Variants in ZNF705D observed in about 807,000 individuals in gnomAD.
ZNF705D encodes the protein putative zinc finger protein 705C.
For missense variants in ZNF705D, 6 were observed against 129.4 expected (o/e 0.05, Z 4.63); for synonymous variants, 1 against 43.8 (o/e 0.02, Z 3.86).
intron 1 of ZNF705D, among the ~76,000 whole-genome samples, chr8:12,108,759 G>T (rs1802234701): frequency 1.7e-5 from 1 of 57,478 alleles, no homozygotes; most frequent in Non-Finnish European, 3.4e-5. Flanking sequence ...GAAAAGAAGA[G>T]TTTTATAAAA....
intron 1 of ZNF705D, among the ~76,000 whole-genome samples, chr8:12,109,079 C>T (rs1802240140): frequency 1.1e-5 from 1 of 88,276 alleles, no homozygotes; most frequent in African/African-American, 3.1e-5. Context: ...ACAATGATAA[C>T]TGATGTTTGG....
the ZNF705D span, among the ~76,000 whole-genome samples, chr8:12,089,938 C>G: frequency 4.0e-5 from 2 of 49,576 alleles, 1 homozygote; most frequent in Non-Finnish European, 1.5e-4. Context: ...GTTTCCAGGC[C>G]GAAGGCGAAT....
the ZNF705D span, among the ~76,000 whole-genome samples, chr8:12,094,195 C>T: frequency 3.7e-5 from 1 of 27,226 alleles, no homozygotes; most frequent in African/African-American, 7.6e-5. Flanking sequence ...TTTGTGATAG[C>T]AGCCATAGGA....
upstream of ZNF705D, among the ~76,000 whole-genome samples, chr8:12,107,566 T>G (rs1802226834): frequency 5.7e-5 from 4 of 69,712 alleles, 2 homozygotes; most frequent in Non-Finnish European, 1.2e-4. Context: ...CCTCCCAAAG[T>G]GCTGGGATTA....
chr8:12,110,529 T>C (rs1191135839), intron 2 of ZNF705D, among the ~76,000 whole-genome samples: 2 of 17,270 alleles, frequency 1.2e-4, no homozygotes, highest in Non-Finnish European at 2.1e-4. Flanking sequence ...TTGTGTATTA[T>C]GCATTGTGTC....
intron 1 of ZNF705D, among the ~76,000 whole-genome samples, chr8:12,109,332 G>T (rs200031353): frequency 0.15 from 11,547 of 75,076 alleles, 478 homozygotes; most frequent in African/African-American, 0.3. Context: ...TCTAACTTTT[G>T]AATGAATAAG....
the ZNF705D span, among the ~76,000 whole-genome samples, chr8:12,090,808 T>C: frequency 6.8e-3 from 298 of 43,504 alleles, 12 homozygotes; most frequent in African/African-American, 0.012. Context: ...TAATAGTTTC[T>C]TTTGCTGCCC....
the ZNF705D span, among the ~76,000 whole-genome samples, chr8:12,089,970 G>A: frequency 1.9e-5 from 1 of 51,774 alleles, no homozygotes; most frequent in African/African-American, 3.3e-5. Context: ...ACTTACCTGA[G>A]GCTTTCTGCC....
chr8:12,089,978 G>A, the ZNF705D span, among the ~76,000 whole-genome samples: 1,216 of 51,376 alleles, frequency 0.024, 72 homozygotes, highest in African/African-American at 0.039. Flanking sequence ...GAGGCTTTCT[G>A]CCTCCCGACT....
intron 2 of ZNF705D, among the ~76,000 whole-genome samples, chr8:12,110,292 A>C (rs1802258797): frequency 1.3e-5 from 1 of 75,762 alleles, no homozygotes; most frequent in Non-Finnish European, 3.2e-5. Context: ...AATACTCATA[A>C]CAGACCTGGG....
the ZNF705D span, chr8:12,095,097 G>GA: frequency 1.4e-5 from 1 of 69,092 alleles, no homozygotes; most frequent in Non-Finnish European, 2.4e-5. Flanking sequence ...GAAAAATGGA[G>GA]AGAGGGAACG....
upstream of ZNF705D, among the ~76,000 whole-genome samples, chr8:12,105,735 C>CAA (rs564846829): frequency 3.6e-3 from 101 of 27,698 alleles, no homozygotes; most frequent in African/African-American, 0.014. Flanking sequence ...GAAACTCTAC[C>CAA]AAAAAAAAAA....
At chr8:12,107,597 C>T (rs1254183934), upstream of ZNF705D, among the ~76,000 whole-genome samples, 1 of 71,458 alleles carries the variant, frequency 1.4e-5, no homozygotes, top group African/African-American at 4.4e-5. Context: ...CCACTGCACT[C>T]GACCCTAAAA....
At chr8:12,110,637 A>T (rs1347358333) in intron 2 of ZNF705D, among the ~76,000 whole-genome samples, 163 bp from the exon 5 acceptor site, 1 of 4,494 alleles carries the variant, frequency 2.2e-4, no homozygotes, top group African/African-American at 3.2e-4. Context: ...TCTAGTCTCA[A>T]GTTGGGTCAG....
chr8:12,102,588 AT>A (rs1394881345), upstream of ZNF705D, among the ~76,000 whole-genome samples: 5 of 122 alleles, frequency 0.041, no homozygotes, highest in Admixed American at 0.12. Context: ...ATTTTTTGTA[AT>A]TTTTTTTTTC....
chr8:12,110,282 A>G (rs1802258727), intron 2 of ZNF705D, among the ~76,000 whole-genome samples: 1 of 73,010 alleles, frequency 1.4e-5, no homozygotes, highest in African/African-American at 3.4e-5. Flanking sequence ...CTCAGTCTCT[A>G]ATACTCATAA....
rs1802286329 is a variant in ZNF705D at position 12,113,127 on chromosome 8, AG to A, written c.874del (p.Ala292ProfsTer?). On this transcript the variant is annotated frameshift_variant, in exon 5 of 5. Coordinates refer to ENST00000400078, the Ensembl canonical transcript of ZNF705D. LOFTEE classifies it low-confidence loss of function (END_TRUNC). ...CCACATGCTTGTCTTCTATGTGGGAAGGCCTTCAGTCTGTCCTCCGACCTTA... is the reference window on the plus strand; with the variant it reads ...CCACATGCTTGTCTTCTATGTGGGAAGCCTTCAGTCTGTCCTCCGACCTTA... 7.1e-7 allele frequency: 1 copy of A among 1,402,698 alleles called. No homozygotes were observed. Among genetic ancestry groups the A allele is most frequent in the African/African-American group, 1.4e-5 (1 of 69,308 alleles). 86.9% of individuals were successfully genotyped at this position (1,402,698 alleles called of 1,614,324 possible).
At chr8:12,090,696 A>C in the ZNF705D span, among the ~76,000 whole-genome samples, 2,028 of 23,098 alleles carry the variant, frequency 0.088, 233 homozygotes, top group African/African-American at 0.13. Context: ...TTTTTTTTGT[A>C]AATTTCTTTA....
the ZNF705D span, among the ~76,000 whole-genome samples, chr8:12,090,918 C>G: frequency 2.4e-4 from 1 of 4,102 alleles, no homozygotes; most frequent in African/African-American, 3.0e-4. Flanking sequence ...GTGCCTATGT[C>G]CTGAATGGTA....
Sources: allele counts gnomAD v4.1 joint callset (sites outside exome capture counted in the v4.1 genomes callset), GRCh38; gene constraint gnomAD v4.1.1; transcripts MANE v1.5; gene names NCBI Gene and HGNC (gene_info 2026-07-23, HGNC 2026-07-21).